Variants in UTP6 observed in about 807,000 individuals in gnomAD.
UTP6 encodes the protein U3 small nucleolar RNA-associated protein 6 homolog.
UTP6 carries 60 observed loss-of-function variants against 96.5 expected under a neutral mutation model. The ratio of observed to expected loss-of-function variants is 0.62; its 90% CI spans 0.51 to 0.77. UTP6 has a LOEUF of 0.77. Ranked by LOEUF, UTP6 falls within the 30% of genes least tolerant of loss-of-function variation. The pLI is 0.00. For missense variants in UTP6, 637 were observed against 706.5 expected (o/e 0.90, Z 1.12); for synonymous variants, 215 against 240.1 (o/e 0.90, Z 0.96).
At chr17:31,898,394 T>G (rs1393020777) in intron 2 of UTP6, among the ~76,000 whole-genome samples, 1 of 151,936 alleles carries the variant, frequency 6.6e-6, no homozygotes, top group Non-Finnish European at 1.5e-5. Context: ...GGCGTGGTTG[T>G]GGGCACCTGT....
rs768852358 is a variant in UTP6 at position 31,894,982 on chromosome 17, C to A, written c.207G>T (p.Gln69His). Residue 69 changes from glutamine (Q) to histidine (H), a missense_variant, in exon 3 of 19, where the codon CAG becomes CAT. Gln to His is a conservative substitution (Grantham distance 24). Coordinates refer to ENST00000261708, the MANE Select transcript of UTP6 (RefSeq NM_018428.3). ...ATCTTCTACTTACTGTTCTTCTTCT[C>A]TGGATCAGCTCCAAAAGATTAATTT... The part of the protein sequence containing the change: ...QYEINLLELI[Q>H]RRRTRIGYSF... The A allele has an allele frequency of 1.3e-6, 2 of 1,555,526 alleles. No individual in the cohort carries two copies. The highest frequency in any genetic ancestry group is 1.2e-5 in the South Asian group (1 of 84,394).
chr17:31,900,478 G>A (rs953733492), intron 1 of UTP6, among the ~76,000 whole-genome samples: 3 of 152,002 alleles, frequency 2.0e-5, no homozygotes, highest in Non-Finnish European at 4.4e-5. Context: ...TTTTAGTAGA[G>A]ACGGGGTTTC....
At position 31,871,238 on chromosome 17, in the gene UTP6, C is replaced by T. The variant is rs181930282; in HGVS notation, c.1496+2140G>A. 5.2e-3 allele frequency among the ~76,000 whole-genome samples: 788 copies of T among 150,260 alleles called. 3 individuals carry two copies. Among genetic ancestry groups the T allele is most frequent in the Middle Eastern group, 0.021 (6 of 290 alleles). On this transcript the variant is annotated intron_variant, in intron 16 of 18. Transcript: ENST00000261708. ...CGAACTCCTGACCTTGTGATCCGCCCGCCTCGGCCTCCTAAAGTGCTAGGA... is the reference window on the plus strand; with the variant it reads ...CGAACTCCTGACCTTGTGATCCGCCTGCCTCGGCCTCCTAAAGTGCTAGGA...
chr17:31,869,771 TG>T (rs1375111213), intron 16 of UTP6, among the ~76,000 whole-genome samples: 7 of 152,350 alleles, frequency 4.6e-5, no homozygotes, highest in Admixed American at 4.6e-4. Context: ...CCCTGTTACC[TG>T]GGTAAGGAGC....
intron 17 of UTP6, among the ~76,000 whole-genome samples, chr17:31,866,887 C>A (rs78822254): frequency 7.3e-4 from 32 of 43,568 alleles, no homozygotes; most frequent in African/African-American, 9.3e-4. Flanking sequence ...ACTCTTGTCT[C>A]AAAAAAAAAA....
chr17:31,901,495 C>CA (rs1348200378), intron 1 of UTP6, 41 bp downstream of exon 1: 4 of 1,604,518 alleles, frequency 2.5e-6, no homozygotes, highest in East Asian at 2.2e-5. Context: ...AACCTCCCCT[C>CA]AGGCCGCCTC....
At chr17:31,901,479 A>G in intron 1 of UTP6, 57 bp downstream of exon 1, 1 of 1,551,510 alleles carries the variant, frequency 6.4e-7, no homozygotes, top group Non-Finnish European at 8.9e-7. Flanking sequence ...CCTGCCACAC[A>G]CTCCCAACCT....
rs1410112671 is a variant in UTP6 at position 31,860,920 on chromosome 17, A to C, written c.*2439T>G. The C allele has an allele frequency of 2.0e-5, 3 of 152,140 alleles. No homozygotes were observed. The highest frequency in any genetic ancestry group is 2.0e-4 in the Admixed American group (3 of 15,260). 9.4% of individuals were successfully genotyped at this position (152,140 alleles called of 1,614,324 possible). A position where few individuals can be genotyped will look rare whatever the true frequency, so the allele number is the denominator to read the frequency against. The stretch of plus-strand genomic sequence containing the variant: ...AGACTCTAATACTCATAGAAATTTA[A>C]TATATAATAAAGGTAACATCACAAA... On this transcript the variant is annotated 3_prime_UTR_variant, in exon 19 of 19. Transcript: ENST00000261708.
At chr17:31,892,044 C>T (rs745924024) in intron 6 of UTP6, 60 of 548,684 alleles carry the variant, frequency 1.1e-4, no homozygotes, top group Middle Eastern at 4.8e-4. Context: ...AAATACAGTC[C>T]TTCTTGCCTG....
chr17:31,882,033 T>C (rs921016723), intron 10 of UTP6, among the ~76,000 whole-genome samples: 1 of 151,798 alleles, frequency 6.6e-6, no homozygotes, highest in Non-Finnish European at 1.5e-5. Flanking sequence ...GTGTGTGTGT[T>C]TGTGTGTGTG....
chr17:31,890,378 G>A (rs569646289), intron 6 of UTP6, among the ~76,000 whole-genome samples: 4 of 152,044 alleles, frequency 2.6e-5, no homozygotes, highest in African/African-American at 9.6e-5. Context: ...CACTTTGGGA[G>A]GCCGAGGCAG....
chr17:31,870,608 G>A (rs1214902907), intron 16 of UTP6, among the ~76,000 whole-genome samples: 2 of 149,124 alleles, frequency 1.3e-5, no homozygotes, highest in Middle Eastern at 3.4e-3. Flanking sequence ...TGCAAGCTCC[G>A]CCTCCCGGGT....
chr17:31,897,836 C>G (rs764361942), intron 2 of UTP6, among the ~76,000 whole-genome samples: 9 of 152,154 alleles, frequency 5.9e-5, no homozygotes, highest in Admixed American at 5.2e-4. Flanking sequence ...TATTCTCCCC[C>G]ACTGGAAAAT....
rs950032515 is a variant in UTP6, at chr17:31,873,661, C to T, written c.1386+12G>A. 8 of 1,613,818 alleles carry T rather than the reference C, an allele frequency of 5.0e-6. No individual in the cohort carries two copies. The highest frequency in any genetic ancestry group is 2.7e-5 in the African/African-American group (2 of 74,898). ...TCCCCACACCACAAGACTTGGAACA[C>T]GGAGCCTATACCTTAAAGACTGCCT... On this transcript the variant is annotated intron_variant, in intron 15 of 18. Coordinates refer to ENST00000261708, the MANE Select transcript of UTP6 (RefSeq NM_018428.3).
intron 14 of UTP6, 87 bp downstream of exon 14, chr17:31,875,147 C>G: frequency 6.6e-7 from 1 of 1,509,236 alleles, no homozygotes; most frequent in Non-Finnish European, 9.0e-7. Flanking sequence ...AGTTGGCTCT[C>G]AATAGACAAG....
At chr17:31,883,521 G>A (rs935311950) in intron 10 of UTP6, among the ~76,000 whole-genome samples, 1 of 151,846 alleles carries the variant, frequency 6.6e-6, no homozygotes, top group African/African-American at 2.4e-5. Flanking sequence ...CTCCATGTTG[G>A]TCAGGCTGGT....
chr17:31,894,525 A>G (rs962644495), intron 4 of UTP6, 120 bp downstream of exon 4: 5 of 692,874 alleles, frequency 7.2e-6, no homozygotes, highest in Admixed American at 3.0e-5. Flanking sequence ...TGATACCATC[A>G]TTAGAGTAAG....
chr17:31,889,215 A>T, intron 7 of UTP6, 70 bp downstream of exon 7: 4 of 1,099,380 alleles, frequency 3.6e-6, no homozygotes, highest in Non-Finnish European at 5.1e-6. Context: ...TGAATCCAGG[A>T]AAAAAAAATA....
intron 16 of UTP6, among the ~76,000 whole-genome samples, chr17:31,871,034 G>T (rs1313619820): frequency 6.9e-6 from 1 of 144,362 alleles, no homozygotes; most frequent in African/African-American, 2.6e-5. Context: ...CTGTCGCCCA[G>T]GCTGGAATGC....
Sources: gnomAD v4.1 joint callset for allele counts (sites outside exome capture counted in the v4.1 genomes callset) on GRCh38, gnomAD v4.1.1 for gene constraint, MANE v1.5 for transcripts, NCBI Gene and HGNC (gene_info 2026-07-23, HGNC 2026-07-21) for gene names.